Variants in ACTN2 observed in about 807,000 individuals in gnomAD.
ACTN2 encodes the protein alpha-actinin-2.
ACTN2 carries 39 observed loss-of-function variants against 113.8 expected under a neutral mutation model. The observed-to-expected ratio is 0.34, with a 90% confidence interval of 0.27 to 0.45. ACTN2 has a LOEUF of 0.45. ACTN2 is among the 20% of genes least tolerant of loss of function. The pLI, the probability that ACTN2 is intolerant of heterozygous loss-of-function variation, is 1.00. For missense variants in ACTN2, 992 were observed against 1,177.9 expected, an observed-to-expected ratio of 0.84 and a Z score of 2.31; for synonymous variants, 429 against 444.1, an observed-to-expected ratio of 0.97 and a Z score of 0.43.
intron 10 of ACTN2, 39 bp from the exon 11 acceptor site, chr1:236,742,857 T>C (rs1177659662): frequency 1.2e-6 from 2 of 1,613,520 alleles, no homozygotes; most frequent in African/African-American, 1.3e-5. Context: ...CGAAGGTGCT[T>C]GTTACACATT....
chr1:236,734,580 A>T, intron 7 of ACTN2: 1 of 1,284,994 alleles, frequency 7.8e-7, no homozygotes, highest in Non-Finnish European at 1.1e-6. Context: ...ATTTTTTTTC[A>T]ATTGTTTTCC....
intron 10 of ACTN2, among the ~76,000 whole-genome samples, chr1:236,742,477 G>A (rs1204040148): frequency 1.3e-5 from 2 of 152,150 alleles, no homozygotes; most frequent in Non-Finnish European, 2.9e-5. Context: ...GGCCGAGGTG[G>A]GAGGATTGCC....
intron 4 of ACTN2, among the ~76,000 whole-genome samples, chr1:236,723,272 A>G (rs538069017): frequency 6.6e-6 from 1 of 152,324 alleles, no homozygotes; most frequent in African/African-American, 2.4e-5. Context: ...TTCAATGTCC[A>G]TATCAATTCA....
intron 6 of ACTN2, among the ~76,000 whole-genome samples, chr1:236,728,617 G>GT (rs970528479): frequency 3.0e-5 from 4 of 134,332 alleles, no homozygotes; most frequent in Non-Finnish European, 4.7e-5. Flanking sequence ...TGGGGCAGGC[G>GT]TTTTTTTTTA....
intron 1 of ACTN2, among the ~76,000 whole-genome samples, chr1:236,694,352 A>G (rs1657400283): frequency 6.6e-6 from 1 of 151,384 alleles, no homozygotes; most frequent in Non-Finnish European, 1.5e-5. Flanking sequence ...CCTCCTGAGT[A>G]GCTGGGATTA....
At chr1:236,688,052 G>T (rs977533932) in intron 1 of ACTN2, among the ~76,000 whole-genome samples, 5 of 152,106 alleles carry the variant, frequency 3.3e-5, no homozygotes, top group African/African-American at 1.2e-4. Context: ...ACTTCAAGCC[G>T]TCTACTATTG....
At chr1:236,691,346 G>A (rs930274783) in intron 1 of ACTN2, among the ~76,000 whole-genome samples, 6 of 151,658 alleles carry the variant, frequency 4.0e-5, no homozygotes, top group African/African-American at 1.5e-4. Flanking sequence ...AATAATAAGT[G>A]CAAGAATAAA....
At position 236,744,548 on chromosome 1, in the gene ACTN2, C is replaced by T. The variant is rs140535519; in HGVS notation, c.1256-78C>T. The T allele has an allele frequency of 5.4e-4, 840 of 1,544,246 alleles. 1 individual carries two copies. Among genetic ancestry groups the T allele is most frequent in the Non-Finnish European group, 5.6e-4 (633 of 1,126,922 alleles). ...CTCTTGGTTCTTTGGAATCTCACCG[C>T]TCCCTGAGAATGTGGCTGGCATGAG... On this transcript the variant is annotated intron_variant, in intron 11 of 20. Coordinates refer to ENST00000366578, the MANE Select transcript of ACTN2 (RefSeq NM_001103.4).
intron 10 of ACTN2, among the ~76,000 whole-genome samples, chr1:236,742,520 G>A (rs899278226): frequency 7.3e-5 from 11 of 151,532 alleles, no homozygotes; most frequent in Non-Finnish European, 1.0e-4. Context: ...GCAACATAGC[G>A]AGACTCCATT....
At chr1:236,744,147 G>A (rs1659154906) in intron 11 of ACTN2, among the ~76,000 whole-genome samples, 1 of 152,108 alleles carries the variant, frequency 6.6e-6, no homozygotes, top group African/African-American at 2.4e-5. Context: ...TTATTATCAG[G>A]AAAAACAAAG....
Position 236,735,615 on chromosome 1 carries a change from G to T in ACTN2, c.698-20G>T. On this transcript the variant is annotated intron_variant, in intron 7 of 20. Transcript: ENST00000366578. ...GTGTGTGTGTGTGCGCGCGTCCTGT[G>T]TTATTTTCTCCCCCTTCAGACATCG... is the stretch of plus-strand genomic sequence containing the variant. 1 of 1,607,342 alleles carries T rather than the reference G, an allele frequency of 6.2e-7. No homozygotes were observed. The highest frequency in any genetic ancestry group is 8.5e-7 in the Non-Finnish European group (1 of 1,173,960).
intron 1 of ACTN2, among the ~76,000 whole-genome samples, chr1:236,708,201 G>A (rs1657893185): frequency 6.6e-6 from 1 of 152,064 alleles, no homozygotes; most frequent in Non-Finnish European, 1.5e-5. Context: ...AGATTCGTGG[G>A]CAGAGAATAA....
chr1:236,716,487 CT>C (rs1385048385), intron 1 of ACTN2, among the ~76,000 whole-genome samples: 1 of 152,116 alleles, frequency 6.6e-6, no homozygotes, highest in Non-Finnish European at 1.5e-5. Context: ...AACAGAATAA[CT>C]TTAGATGTCA....
intron 1 of ACTN2, among the ~76,000 whole-genome samples, chr1:236,699,193 G>A (rs1657603993): frequency 6.6e-6 from 1 of 152,208 alleles, no homozygotes. Flanking sequence ...CCAACCCAGA[G>A]CAGAAGCCTG....
chr1:236,728,212 C>T (rs371816091), intron 6 of ACTN2, among the ~76,000 whole-genome samples: 4 of 145,644 alleles, frequency 2.7e-5, no homozygotes, highest in African/African-American at 1.0e-4. Context: ...GGTGTGATCT[C>T]GGCTCACAGC....
intron 14 of ACTN2, among the ~76,000 whole-genome samples, chr1:236,749,761 A>G (rs1368125212): frequency 3.3e-5 from 5 of 152,188 alleles, no homozygotes; most frequent in Admixed American, 2.6e-4. Context: ...AGATCACGCC[A>G]TTGGACTCCA....
At chr1:236,721,022 G>GTTTTT (rs869077774) in intron 4 of ACTN2, among the ~76,000 whole-genome samples, 1,307 of 66,406 alleles carry the variant, frequency 0.02, 102 homozygotes, top group Middle Eastern at 0.05. Context: ...TTTGTTTTTT[G>GTTTTT]TTTTTTTTTT....
At chr1:236,724,667 CTT>C (rs1658496414) in intron 4 of ACTN2, among the ~76,000 whole-genome samples, 1 of 152,208 alleles carries the variant, frequency 6.6e-6, no homozygotes, top group East Asian at 1.9e-4. Flanking sequence ...ACCCCCCAGT[CTT>C]TGGCTGGAGC....
chr1:236,721,493 A>G (rs887195684), intron 4 of ACTN2, among the ~76,000 whole-genome samples: 1 of 152,154 alleles, frequency 6.6e-6, no homozygotes, highest in African/African-American at 2.4e-5. Context: ...AAGTCAAACT[A>G]AAATCTAATG....
Sources: gnomAD v4.1 joint callset for allele counts (sites outside exome capture counted in the v4.1 genomes callset) on GRCh38, gnomAD v4.1.1 for gene constraint, MANE v1.5 for transcripts, NCBI Gene and HGNC (gene_info 2026-07-23, HGNC 2026-07-21) for gene names.